ZNF680: variants seen among roughly 807,000 people sequenced by gnomAD.
ZNF680 encodes the protein zinc finger protein 680.
A neutral mutation model predicts 12.1 loss-of-function variants in ZNF680; 6 were observed. The observed-to-expected ratio is 0.49, with a 90% CI of 0.27 to 0.98. The LOEUF (loss-of-function observed/expected upper bound fraction) is 0.98. ZNF680 is among the 50% of genes least tolerant of loss of function. The pLI, the probability that ZNF680 is intolerant of heterozygous loss-of-function variation, is 0.12. For synonymous variants in ZNF680, 170 were observed against 199.3 expected (o/e 0.85, Z 1.24); for missense variants, 561 against 616.3 (o/e 0.91, Z 0.95).
intron 3 of ZNF680, among the ~76,000 whole-genome samples, chr7:64,543,279 AAAT>A (rs1461865772): frequency 2.0e-5 from 3 of 152,208 alleles, no homozygotes; most frequent in Non-Finnish European, 2.9e-5. Context: ...ATAATAATAA[AAAT>A]ATGAAATGTG....
intron 1 of ZNF680, among the ~76,000 whole-genome samples, chr7:64,561,623 T>C (rs562656191): frequency 2.1e-3 from 323 of 152,262 alleles, no homozygotes; most frequent in African/African-American, 6.4e-3. Flanking sequence ...AAATGATTAA[T>C]TAAAATATAG....
At chr7:64,500,771 C>G in the ZNF680 span, 1 of 319,764 alleles carries the variant, frequency 3.1e-6, no homozygotes, top group East Asian at 8.4e-5. Context: ...AGAATCGAAT[C>G]TCTTCTCCCT....
intron 3 of ZNF680, among the ~76,000 whole-genome samples, chr7:64,533,179 A>T (rs1033433301): frequency 3.9e-5 from 6 of 152,150 alleles, no homozygotes; most frequent in Non-Finnish European, 7.4e-5. Flanking sequence ...GAGCAATCAG[A>T]CAAGAGAAAT....
At chr7:64,556,849 C>T (rs6460160) in intron 1 of ZNF680, among the ~76,000 whole-genome samples, 48,484 of 152,064 alleles carry the variant, frequency 0.32, 8,775 homozygotes, top group African/African-American at 0.48. Flanking sequence ...GCAAAGCAAA[C>T]TATCAATAGA....
At chr7:64,556,707 T>C (rs1374247696) in intron 1 of ZNF680, among the ~76,000 whole-genome samples, 2 of 152,160 alleles carry the variant, frequency 1.3e-5, no homozygotes, top group African/African-American at 4.8e-5. Context: ...AAAATACCTA[T>C]GTCAATTGGA....
intron 1 of ZNF680, among the ~76,000 whole-genome samples, chr7:64,558,778 GTTGC>G: frequency 6.7e-6 from 1 of 149,984 alleles, no homozygotes; most frequent in Non-Finnish European, 1.5e-5. Context: ...CAGAAAAGGG[GTTGC>G]TTTTTTTTTT....
rs572126826 is a variant in ZNF680, at chr7:64,537,885, G to C, written c.253+5822C>G. 6.6e-5 allele frequency among the ~76,000 whole-genome samples: 10 copies of C among 151,946 alleles called. 1 individual carries two copies. The highest frequency in any genetic ancestry group is 2.4e-4 in the African/African-American group (10 of 41,430). ...GCAGAGCTTGCAGTGAGCTGAGATAGCACCACTGCACTCCAGACTGGGTGA... is the reference window on the plus strand; with the variant it reads ...GCAGAGCTTGCAGTGAGCTGAGATACCACCACTGCACTCCAGACTGGGTGA... On this transcript the variant is annotated intron_variant, in intron 3 of 3. Transcript: ENST00000309683.
At position 64,521,455 on chromosome 7, in the gene ZNF680, G is replaced by T; in HGVS notation, c.1299C>A (p.Thr433=). Residue 433 remains threonine (T), a synonymous_variant, in exon 4 of 4, where the codon ACC becomes ACA. Transcript: ENST00000309683. ...CTTTGCCACATTCTTCACATTTGTA[G>T]GTATTCTCTCTAGTGTGAATTCTCT... ...RHKRIHTREN[T]YKCEECGKGF... 1 of 1,613,402 alleles carries T rather than the reference G, an allele frequency of 6.2e-7. No homozygotes were observed. Among genetic ancestry groups the T allele is most frequent in the Non-Finnish European group, 8.5e-7 (1 of 1,179,670 alleles).
At chr7:64,554,998 A>T (rs1787329890) in intron 1 of ZNF680, among the ~76,000 whole-genome samples, 1 of 152,058 alleles carries the variant, frequency 6.6e-6, no homozygotes, top group African/African-American at 2.4e-5. Context: ...TACTAAAAAA[A>T]TTAAAAAAAA....
In ZNF680 at chr7:64,563,040, C is replaced by A. The variant is rs1417715955; in HGVS notation, c.-86G>T. On this transcript the variant is annotated 5_prime_UTR_variant, in exon 1 of 4. Coordinates refer to ENST00000309683, the MANE Select transcript of ZNF680 (RefSeq NM_178558.5). ...AGCAGAATACACAGAGCAGTAAAGA[C>A]TAGACCTGGAGCTCCCGCAGCAGCT... The A allele has an allele frequency of 1.3e-6, 2 of 1,515,694 alleles. No individual in the cohort carries two copies. The highest frequency in any genetic ancestry group is 1.8e-6 in the Non-Finnish European group (2 of 1,097,142). 93.9% of individuals were successfully genotyped at this position (1,515,694 alleles called of 1,614,324 possible). A position where few individuals can be genotyped will look rare whatever the true frequency, so the allele number is the denominator to read the frequency against.
intron 3 of ZNF680, among the ~76,000 whole-genome samples, chr7:64,522,839 G>A (rs935006958): frequency 1.3e-5 from 2 of 151,680 alleles, no homozygotes; most frequent in Admixed American, 1.3e-4. Context: ...AAATTTTGCA[G>A]GCAAGAAAAG....
At chr7:64,501,659 C>A in the ZNF680 span, 1 of 987,128 alleles carries the variant, frequency 1.0e-6, no homozygotes, top group Non-Finnish European at 1.6e-6. Context: ...CTGGAGTTGA[C>A]CAAGGATGAA....
rs112634027 is a variant in ZNF680 at position 64,549,077 on chromosome 7, G to A, written c.31-4645C>T. 9.6e-3 allele frequency among the ~76,000 whole-genome samples: 1,448 copies of A among 150,130 alleles called. 25 individuals are homozygous for A. Among genetic ancestry groups the A allele is most frequent in the African/African-American group, 0.034 (1,390 of 40,736 alleles). On this transcript the variant is annotated intron_variant, in intron 1 of 3. Transcript: ENST00000309683. ...AGAGGTTGCAGTGAGCTGAAATCAC[G>A]CCATTGCACTCCAGCCTGGGCAATA...
chr7:64,523,679 C>T lies in ZNF680; in HGVS notation c.254-1179G>A, dbSNP rs909070112. ...CTATAATCCCAGCACTTTGGGAGGC[C>T]GAGGCGGGCGGATCACGAGGTCAGA... is the stretch of plus-strand genomic sequence containing the variant. On this transcript the variant is annotated intron_variant, in intron 3 of 3. Coordinates refer to ENST00000309683, the MANE Select transcript of ZNF680 (RefSeq NM_178558.5). 5.9e-5 allele frequency among the ~76,000 whole-genome samples: 9 copies of T among 151,944 alleles called. No individual in the cohort carries two copies. The South Asian group carries it at 1.2e-3, about 21-fold the overall frequency.
intron 2 of ZNF680, 63 bp downstream of exon 2, chr7:64,544,243 G>A: frequency 1.7e-5 from 27 of 1,543,072 alleles, no homozygotes; most frequent in Non-Finnish European, 2.4e-5. Context: ...CACAAGTTAT[G>A]CAAAAAAAGA....
At chr7:64,515,492 A>G (rs561343876), downstream of ZNF680, among the ~76,000 whole-genome samples, 1 of 152,280 alleles carries the variant, frequency 6.6e-6, no homozygotes, top group African/African-American at 2.4e-5. Flanking sequence ...TTAGGTAAAT[A>G]GCAACAGAAA....
At chr7:64,502,978 T>C in the ZNF680 span, among the ~76,000 whole-genome samples, 10 of 152,094 alleles carry the variant, frequency 6.6e-5, no homozygotes, top group African/African-American at 2.4e-4. Flanking sequence ...CTGCTCAACC[T>C]GTTAATCAGT....
At chr7:64,535,720 A>G (rs1786130889) in intron 3 of ZNF680, among the ~76,000 whole-genome samples, 1 of 151,904 alleles carries the variant, frequency 6.6e-6, no homozygotes, top group Non-Finnish European at 1.5e-5. Flanking sequence ...GAAGCAGGTG[A>G]ATCACTTGAG....
intron 3 of ZNF680, among the ~76,000 whole-genome samples, chr7:64,538,265 A>G (rs1241257348): frequency 6.6e-6 from 1 of 151,562 alleles, no homozygotes; most frequent in Non-Finnish European, 1.5e-5. Flanking sequence ...GAAGAACAGA[A>G]TAACTGAACT....
Sources: gnomAD v4.1 joint callset for allele counts (sites outside exome capture counted in the v4.1 genomes callset) on GRCh38, gnomAD v4.1.1 for gene constraint, MANE v1.5 for transcripts, NCBI Gene and HGNC (gene_info 2026-07-23, HGNC 2026-07-21) for gene names.